MLIP: variants seen among roughly 807,000 people sequenced by gnomAD.
The protein encoded by MLIP is muscular LMNA-interacting protein.
MLIP carries 79 observed loss-of-function variants against 84.8 expected under a neutral mutation model. The observed-to-expected ratio is 0.93, with a 90% CI of 0.78 to 1.12. MLIP has a LOEUF of 1.12. Ranked by LOEUF, MLIP falls within the 50% of genes most tolerant of loss-of-function variation. MLIP has a pLI of 0.00. For synonymous variants in MLIP, 504 were observed against 463.0 expected, an observed-to-expected ratio of 1.09 and a Z score of -1.14; for missense variants, 1,257 against 1,160.6, an observed-to-expected ratio of 1.08 and a Z score of -1.21.
At chr6:54,051,363 T>A (rs1049571310) in intron 1 of MLIP, among the ~76,000 whole-genome samples, 48 of 152,162 alleles carry the variant, frequency 3.2e-4, no homozygotes, top group African/African-American at 1.1e-3. Context: ...AAATATTAAT[T>A]TTTTCTTTTA....
chr6:54,187,877 C>T (rs6931929), intron 9 of MLIP, among the ~76,000 whole-genome samples: 3 of 152,152 alleles, frequency 2.0e-5, no homozygotes, highest in East Asian at 1.9e-4. Context: ...TGTGGCAGCA[C>T]GCGCCTGTAC....
In MLIP at chr6:54,256,320, A is replaced by C. The variant is rs374995431; in HGVS notation, c.2923-988A>C. Among the ~76,000 whole-genome samples the C allele has an allele frequency of 5.3e-4, 81 of 152,284 alleles. No individual in the cohort carries two copies. The East Asian group carries it at 0.013, about 25-fold the overall frequency. On this transcript the variant is annotated intron_variant, in intron 12 of 13. Transcript: ENST00000502396. ...CCAAGGTTAGAGTCTTCCCCTGGGT[A>C]GGCTAAATTACTGGCCTCCTTCAAA...
intron 4 of MLIP, among the ~76,000 whole-genome samples, chr6:54,148,375 T>A: frequency 6.6e-6 from 1 of 152,192 alleles, no homozygotes; most frequent in East Asian, 1.9e-4. Flanking sequence ...TATTCTGAGT[T>A]GTACTTAACA....
Position 54,254,419 on chromosome 6 carries a change from C to A in MLIP, c.2923-2889C>A, listed in dbSNP as rs115946737. 5.0e-3 allele frequency among the ~76,000 whole-genome samples: 766 copies of A among 152,152 alleles called. 7 individuals carry two copies. The highest frequency in any genetic ancestry group is 0.018 in the African/African-American group (728 of 41,516). On this transcript the variant is annotated intron_variant, in intron 12 of 13. Coordinates refer to ENST00000502396, the MANE Select transcript of MLIP (RefSeq NM_001281747.2). ...GGATTACAGGTGTGAGCCACCACAC[C>A]CAGTCAGTACTTGTTTTAATGCTTA...
At chr6:54,254,979 C>T (rs1287714319) in intron 12 of MLIP, among the ~76,000 whole-genome samples, 3 of 152,074 alleles carry the variant, frequency 2.0e-5, no homozygotes, top group Non-Finnish European at 4.4e-5. Flanking sequence ...TAAGCTCAGA[C>T]TCCTCATCTG....
At position 54,165,800 on chromosome 6, in the gene MLIP, A is replaced by T. The variant is rs370974850; in HGVS notation, c.2500-3728A>T. ...CCCCACCCACCCACTCAGAATTCAT[A>T]TGTTGAAATATATGAAGGTATTAGG... On this transcript the variant is annotated intron_variant, in intron 8 of 13. Transcript: ENST00000502396. 1.1e-4 allele frequency among the ~76,000 whole-genome samples: 17 copies of T among 152,026 alleles called. No homozygotes were observed. The South Asian group carries it at 2.9e-3, about 26-fold the overall frequency.
At chr6:54,023,718 C>T (rs1298118617) in intron 1 of MLIP, among the ~76,000 whole-genome samples, 1 of 151,472 alleles carries the variant, frequency 6.6e-6, no homozygotes. Flanking sequence ...TACAGGCGTG[C>T]ACCACCATGC....
At chr6:54,202,662 G>A (rs1778775495) in intron 11 of MLIP, among the ~76,000 whole-genome samples, 1 of 152,032 alleles carries the variant, frequency 6.6e-6, no homozygotes, top group African/African-American at 2.4e-5. Flanking sequence ...GGAAGCCAAG[G>A]CAGGAGTATT....
At chr6:54,170,488 A>G (rs1775658406) in intron 9 of MLIP, among the ~76,000 whole-genome samples, 1 of 151,626 alleles carries the variant, frequency 6.6e-6, no homozygotes, top group Non-Finnish European at 1.5e-5. Flanking sequence ...AACACTGCTT[A>G]GAGCATTTCC....
intron 1 of MLIP, among the ~76,000 whole-genome samples, chr6:54,112,315 T>C (rs1375001510): frequency 1.3e-5 from 2 of 152,236 alleles, no homozygotes; most frequent in Non-Finnish European, 2.9e-5. Flanking sequence ...TTAAATAGTC[T>C]ACTGGCTAAT....
chr6:54,101,977 T>C (rs929612001), intron 1 of MLIP, among the ~76,000 whole-genome samples: 5 of 152,112 alleles, frequency 3.3e-5, no homozygotes, highest in African/African-American at 1.2e-4. Context: ...TTCTCCTGGG[T>C]AGGAACCATA....
chr6:54,229,138 T>C (rs1780803120), intron 11 of MLIP, among the ~76,000 whole-genome samples: 1 of 152,168 alleles, frequency 6.6e-6, no homozygotes, highest in Non-Finnish European at 1.5e-5. Flanking sequence ...TATCACTCTG[T>C]TAGGTGAATT....
chr6:54,120,125 ACTT>A (rs1041033908), intron 1 of MLIP, among the ~76,000 whole-genome samples: 80 of 152,262 alleles, frequency 5.3e-4, no homozygotes, highest in East Asian at 1.2e-3. Flanking sequence ...TCTCATGCAA[ACTT>A]CTTAAAAGAG....
intron 11 of MLIP, chr6:54,215,517 G>A: frequency 1.8e-6 from 1 of 541,170 alleles, no homozygotes; most frequent in South Asian, 5.2e-5. Flanking sequence ...GGTGTAAAAT[G>A]TGATGATTTG....
chr6:54,138,395 A>C, intron 4 of MLIP, 109 bp downstream of exon 4: 1 of 1,299,884 alleles, frequency 7.7e-7, no homozygotes, highest in Non-Finnish European at 1.0e-6. Context: ...TACTCCTACA[A>C]GGAGGAAGAA....
chr6:54,116,495 C>A (rs1483039121), intron 1 of MLIP, among the ~76,000 whole-genome samples: 1 of 152,066 alleles, frequency 6.6e-6, no homozygotes, highest in Non-Finnish European at 1.5e-5. Flanking sequence ...GGATAAGCTT[C>A]CAGAAATTGA....
chr6:54,123,100 A>ATT (rs34364066), intron 2 of MLIP, among the ~76,000 whole-genome samples: 4 of 147,900 alleles, frequency 2.7e-5, no homozygotes, highest in Admixed American at 6.7e-5. Flanking sequence ...CGCCCGGCTA[A>ATT]TTTTTTTTGT....
chr6:54,093,329 A>AATTCTATTCTATTCT (rs70980891), intron 1 of MLIP, among the ~76,000 whole-genome samples: 12,553 of 133,992 alleles, frequency 0.094, 778 homozygotes, highest in Middle Eastern at 0.13. Flanking sequence ...TTTTCGATTA[A>AATTCTATTCTATTCT]ATTCTATTCT....
intron 1 of MLIP, among the ~76,000 whole-genome samples, chr6:54,093,800 C>T (rs1479607935): frequency 1.3e-5 from 2 of 152,162 alleles, no homozygotes; most frequent in Non-Finnish European, 2.9e-5. Flanking sequence ...ACACCTATTT[C>T]TTTGCATATT....
Sources: allele counts gnomAD v4.1 joint callset (sites outside exome capture counted in the v4.1 genomes callset), GRCh38; gene constraint gnomAD v4.1.1; transcripts MANE v1.5; gene names NCBI Gene and HGNC (gene_info 2026-07-23, HGNC 2026-07-21).